Variants in BAZ1A observed in about 807,000 individuals in gnomAD.
BAZ1A encodes the protein bromodomain adjacent to zinc finger domain 1A.
In BAZ1A, 50 loss-of-function variants were observed where a neutral mutation model predicts 185.2. The ratio of observed to expected loss-of-function variants is 0.27; its 90% CI spans 0.22 to 0.34. BAZ1A has a LOEUF of 0.34. BAZ1A is among the 10% of genes least tolerant of loss of function. BAZ1A has a pLI of 1.00. For missense variants in BAZ1A, 1,356 were observed against 1,839.9 expected, an observed-to-expected ratio of 0.74 and a Z score of 4.81; for synonymous variants, 571 against 615.6, an observed-to-expected ratio of 0.93 and a Z score of 1.07.
At chr14:34,802,051 C>T (rs1425565485) in intron 7 of BAZ1A, among the ~76,000 whole-genome samples, 1 of 151,958 alleles carries the variant, frequency 6.6e-6, no homozygotes, top group Non-Finnish European at 1.5e-5. Flanking sequence ...CTTAAAAATG[C>T]ATTAGAAAAA....
chr14:34,797,813 G>A (rs1307834532), intron 9 of BAZ1A, among the ~76,000 whole-genome samples: 2 of 152,158 alleles, frequency 1.3e-5, no homozygotes, highest in African/African-American at 2.4e-5. Context: ...GGTGCCCATG[G>A]AGGGCGAGCC....
In BAZ1A at chr14:34,765,233, G is replaced by A. The variant is rs1235650944; in HGVS notation, c.3337C>T (p.Leu1113=). ...SDSGRSYKTV[L]DRWRESLLSS... is the part of the protein sequence containing the mutation. ...AGGAGAGACTCTCTCCAACGGTCCA[G>A]AACTGTTTTATAAGAACGCCCACTG... Residue 1113 remains leucine, a synonymous_variant, in exon 22 of 27, where the codon CTG becomes TTG. Transcript: ENST00000360310. 6.2e-7 allele frequency: 1 copy of A among 1,614,112 alleles called. No individual in the cohort carries two copies. Among genetic ancestry groups the A allele is most frequent in the South Asian group, 1.1e-5 (1 of 91,064 alleles).
Position 34,874,403 on chromosome 14 carries a change from C to A in BAZ1A, c.113+89G>T. On this transcript the variant is annotated intron_variant, in intron 2 of 26. Transcript: ENST00000360310. The surrounding 1 kb of genome is among the most constrained non-coding windows in gnomAD (Gnocchi z 4.7). ...CACTTTCAAGTCGCCCCGCCAGAAG[C>A]CCAGGGCGAGGAAAAGGAGAGAGAC... The A allele has an allele frequency of 2.3e-6, 3 of 1,298,454 alleles. No homozygotes were observed. The highest frequency in any genetic ancestry group is 3.3e-6 in the Non-Finnish European group (3 of 908,222). The allele number at this position is 1,298,454 out of a possible 1,614,324, so 80.4% of individuals were successfully genotyped here.
rs1044294804 is a variant in BAZ1A at position 34,753,836 on chromosome 14, T to C, written c.4475-132A>G. 2.1e-5 allele frequency: 15 copies of C among 718,800 alleles called. No homozygotes were observed. In the African/African-American group the frequency reaches 2.7e-4, roughly 13 times the overall value. 44.5% of individuals were successfully genotyped at this position (718,800 alleles called of 1,614,324 possible). On this transcript the variant is annotated intron_variant, in intron 26 of 26. Coordinates refer to ENST00000360310, the MANE Select transcript of BAZ1A (RefSeq NM_013448.3). Reference sequence around the variant, plus strand: ...TTTTTTCTTTAGAAAGAGAAGACTCTGGCTAGGCATGGTGGCTCACATCTG... The same window carrying C: ...TTTTTTCTTTAGAAAGAGAAGACTCCGGCTAGGCATGGTGGCTCACATCTG...
intron 3 of BAZ1A, among the ~76,000 whole-genome samples, chr14:34,831,268 A>G (rs2042238503): frequency 6.6e-6 from 1 of 152,192 alleles, no homozygotes; most frequent in East Asian, 1.9e-4. Context: ...TCCCAAAATA[A>G]TGGCCAGATT....
chr14:34,821,945 T>C lies in BAZ1A; in HGVS notation c.536+4068A>G, dbSNP rs989596176. ...GTTGCAGTAAGCCAAGATCGCACCA[T>C]TGCACTCCAGCCTGCCCAACAAGAG... On this transcript the variant is annotated intron_variant, in intron 4 of 26. Transcript: ENST00000360310. Among the ~76,000 whole-genome samples the C allele has an allele frequency of 3.3e-5, 5 of 151,594 alleles. No homozygotes were observed. The East Asian group carries it at 5.8e-4, about 18-fold the overall frequency.
intron 14 of BAZ1A, among the ~76,000 whole-genome samples, chr14:34,784,251 C>T (rs572169295): frequency 6.6e-6 from 1 of 150,730 alleles, no homozygotes; most frequent in Non-Finnish European, 1.5e-5. Flanking sequence ...GCCTGTAGTC[C>T]CAGCTGCTTG....
At chr14:34,848,978 T>A (rs916098093) in intron 3 of BAZ1A, among the ~76,000 whole-genome samples, 2 of 152,160 alleles carry the variant, frequency 1.3e-5, no homozygotes, top group Non-Finnish European at 2.9e-5. Flanking sequence ...AGGAACAGTT[T>A]AACCAGTTCA....
intron 2 of BAZ1A, among the ~76,000 whole-genome samples, chr14:34,870,080 A>G (rs1399063909): frequency 3.9e-5 from 6 of 152,336 alleles, no homozygotes; most frequent in African/African-American, 1.2e-4. Flanking sequence ...AATAGTGAGC[A>G]AATAAAATGG....
chr14:34,873,226 G>GC (rs1414233596), intron 2 of BAZ1A, among the ~76,000 whole-genome samples: 1 of 152,092 alleles, frequency 6.6e-6, no homozygotes, highest in Non-Finnish European at 1.5e-5. Flanking sequence ...CCTTGATCAA[G>GC]CCCCCACTCA....
chr14:34,874,679 G>T lies in BAZ1A; in HGVS notation c.-58-17C>A. 7.5e-7 allele frequency: 1 copy of T among 1,331,614 alleles called. No homozygotes were observed. The highest frequency in any genetic ancestry group is 1.3e-5 in the South Asian group (1 of 76,976). The allele number at this position is 1,331,614 out of a possible 1,614,324, so 82.5% of individuals were successfully genotyped here. Reference sequence around the variant, plus strand: ...CCCGCTTCCCTATCAAAATTGGAGGGAAAGGAAAGCCGGTAAGGTGGGGAG... The same window carrying T: ...CCCGCTTCCCTATCAAAATTGGAGGTAAAGGAAAGCCGGTAAGGTGGGGAG... On this transcript the variant is annotated splice_polypyrimidine_tract_variant and intron_variant, in intron 1 of 26. Coordinates refer to ENST00000360310, the MANE Select transcript of BAZ1A (RefSeq NM_013448.3). This position sits in a 1 kb window ranked among gnomAD's most constrained non-coding sequence, Gnocchi z 4.7.
chr14:34,827,595 C>T (rs981548063), intron 3 of BAZ1A, among the ~76,000 whole-genome samples: 1 of 151,888 alleles, frequency 6.6e-6, no homozygotes, highest in East Asian at 1.9e-4. Context: ...ATTAGCCAGG[C>T]GTGGTGGCGG....
chr14:34,753,166 C>T lies in BAZ1A; in HGVS notation c.*342G>A, dbSNP rs11548923. On this transcript the variant is annotated 3_prime_UTR_variant, in exon 27 of 27. Coordinates refer to ENST00000360310, the MANE Select transcript of BAZ1A (RefSeq NM_013448.3). The stretch of plus-strand genomic sequence containing the variant: ...CATGTAGATAACTCTCCCTTAATAC[C>T]ACCACTTTAAAAAAAAATCATCAAT... The T allele has an allele frequency of 0.11, 24,587 of 217,930 alleles. 1,714 individuals carry two copies. The highest frequency in any genetic ancestry group is 0.22 in the Admixed American group (4,129 of 18,432). The allele number at this position is 217,930 out of a possible 1,614,324, so 13.5% of individuals were successfully genotyped here. A position where few individuals can be genotyped will look rare whatever the true frequency, so the allele number is the denominator to read the frequency against.
intron 21 of BAZ1A, among the ~76,000 whole-genome samples, chr14:34,766,815 T>C (rs1878875565): frequency 6.6e-6 from 1 of 152,096 alleles, no homozygotes; most frequent in Non-Finnish European, 1.5e-5. Flanking sequence ...TGAGAGTTAA[T>C]CAAAACCACA....
intron 3 of BAZ1A, among the ~76,000 whole-genome samples, chr14:34,844,807 AC>A (rs2042482439): frequency 1.4e-5 from 2 of 141,618 alleles, no homozygotes; most frequent in East Asian, 2.0e-4. Flanking sequence ...ACACACACAC[AC>A]ACACAAAATC....
Position 34,862,117 on chromosome 14 carries a change from C to T in BAZ1A, c.319G>A (p.Asp107Asn), listed in dbSNP as rs766543363. The change falls in exon 3 of 27, where the codon GAT (aspartate) becomes AAT (asparagine). Residue 107 changes from aspartate to asparagine, a missense_variant. Asp to Asn is a conservative substitution (Grantham distance 23). This residue lies in a region of BAZ1A where 332 missense variants were observed against 395.3 expected (regional missense o/e 0.84). Coordinates refer to ENST00000360310, the MANE Select transcript of BAZ1A (RefSeq NM_013448.3). ...HRSRLHEICDDIFAYVKDRYF... is the reference protein window; with the variant it reads ...HRSRLHEICDNIFAYVKDRYF... ...CGATCCTTGACATATGCAAAGATAT[C>T]ATCACAAATTTCATGTAAGCGCGAA... 1 of 1,614,156 alleles carries T rather than the reference C, an allele frequency of 6.2e-7. No individual in the cohort carries two copies. The highest frequency in any genetic ancestry group is 8.5e-7 in the Non-Finnish European group (1 of 1,180,012).
intron 3 of BAZ1A, among the ~76,000 whole-genome samples, chr14:34,839,469 G>A (rs2042378693): frequency 6.6e-6 from 1 of 151,144 alleles, no homozygotes; most frequent in African/African-American, 2.4e-5. Context: ...AGCCCAGAAG[G>A]TGGAGGCTGA....
intron 21 of BAZ1A, among the ~76,000 whole-genome samples, chr14:34,766,580 G>A (rs1413563841): frequency 6.6e-6 from 1 of 152,122 alleles, no homozygotes; most frequent in African/African-American, 2.4e-5. Context: ...TGAAAAAATG[G>A]AGAGCAAGGA....
chr14:34,819,565 T>C (rs979666368), intron 4 of BAZ1A, among the ~76,000 whole-genome samples: 1 of 152,234 alleles, frequency 6.6e-6, no homozygotes, highest in Non-Finnish European at 1.5e-5. Flanking sequence ...TTTTAGTACA[T>C]GTGCATTTAA....
Sources: allele counts gnomAD v4.1 joint callset (sites outside exome capture counted in the v4.1 genomes callset), GRCh38; gene constraint gnomAD v4.1.1; regional missense constraint gnomAD v4.1.1; non-coding constraint Gnocchi (gnomAD v3.1); transcripts MANE v1.5; gene names NCBI Gene and HGNC (gene_info 2026-07-23, HGNC 2026-07-21).